The following SMPD3 variants were observed in gnomAD, a reference collection of about 807,000 sequenced individuals.
SMPD3 encodes sphingomyelin phosphodiesterase 3, also known as nSMase-2.
In SMPD3, 21 loss-of-function variants were observed where a neutral mutation model predicts 55.7. The ratio of observed to expected loss-of-function variants is 0.38; its 90% CI spans 0.27 to 0.54. SMPD3 has a LOEUF of 0.54. Among genes scored for constraint, SMPD3 ranks in the 20% least tolerant of loss-of-function variants. SMPD3 has a pLI of 0.80. For synonymous variants in SMPD3, 457 were observed against 404.3 expected (o/e 1.13, Z -1.56); for missense variants, 842 against 899.6 (o/e 0.94, Z 0.82).
chr16:68,374,294 C>T (rs1435468343), intron 2 of SMPD3, among the ~76,000 whole-genome samples: 2 of 152,252 alleles, frequency 1.3e-5, no homozygotes, highest in East Asian at 3.8e-4. Flanking sequence ...CTGCAGTCAC[C>T]ATCTCCAGGG....
chr16:68,373,225 C>T (rs1214789931), intron 2 of SMPD3, among the ~76,000 whole-genome samples: 1 of 152,254 alleles, frequency 6.6e-6, no homozygotes, highest in Non-Finnish European at 1.5e-5. Context: ...TCGAGACCCA[C>T]AGCCATCTGA....
chr16:68,394,848 G>C (rs2090141949), intron 1 of SMPD3, among the ~76,000 whole-genome samples: 1 of 152,242 alleles, frequency 6.6e-6, no homozygotes, highest in Non-Finnish European at 1.5e-5. Flanking sequence ...TGGAGATACA[G>C]AGACAGTGAG....
intron 3 of SMPD3, among the ~76,000 whole-genome samples, 162 bp from the exon 4 acceptor site, chr16:68,365,254 G>A (rs1597590314): frequency 1.3e-5 from 2 of 152,278 alleles, no homozygotes; most frequent in Non-Finnish European, 2.9e-5. Flanking sequence ...CCTGCTTCTA[G>A]GGACTTACGG....
chr16:68,400,980 A>G (rs12599487), intron 1 of SMPD3, among the ~76,000 whole-genome samples: 77,737 of 152,056 alleles, frequency 0.51, 21,785 homozygotes, highest in East Asian at 0.86. Flanking sequence ...CTAGTTTTGC[A>G]CTGGATTGAA....
intron 1 of SMPD3, among the ~76,000 whole-genome samples, chr16:68,423,001 G>A (rs2090407728): frequency 6.6e-6 from 1 of 152,118 alleles, no homozygotes; most frequent in Non-Finnish European, 1.5e-5. Context: ...TTCTCAGCGG[G>A]GGCTTCACAG....
rs760353898 is a variant in SMPD3, at chr16:68,364,824, G to T, written c.1482C>A (p.Ser494Arg). ...CCACCAGCTCCTCGGGGTTGGCTGCGCTGGACGAGGAGGTAGATTTTCGGA... is the reference window on the plus strand; with the variant it reads ...CCACCAGCTCCTCGGGGTTGGCTGCTCTGGACGAGGAGGTAGATTTTCGGA... ...ADFRKSTSSS[S>R]AANPEELVAF... Residue 494 changes from serine (S) to arginine (R), a missense_variant, in exon 5 of 9, where the codon AGC becomes AGA. Ser to Arg is a moderately radical substitution (Grantham distance 110). Transcript: ENST00000219334. The T allele has an allele frequency of 1.9e-6, 3 of 1,613,760 alleles. No homozygotes were observed. Among genetic ancestry groups the T allele is most frequent in the Non-Finnish European group, 2.5e-6 (3 of 1,180,048 alleles).
At chr16:68,372,576 T>G (rs1435874106) in intron 2 of SMPD3, among the ~76,000 whole-genome samples, 189 bp from the exon 3 acceptor site, 2 of 152,192 alleles carry the variant, frequency 1.3e-5, no homozygotes, top group Non-Finnish European at 2.9e-5. Context: ...GCTTCCTCCA[T>G]GTATGCTGTT....
chr16:68,401,122 C>A (rs9937560), intron 1 of SMPD3, among the ~76,000 whole-genome samples: 121,388 of 152,144 alleles, frequency 0.8, 48,552 homozygotes, highest in East Asian at 0.87. Flanking sequence ...GGCCAGCATC[C>A]GTGAGTGTCA....
rs139725383 is a variant in SMPD3 at position 68,363,813 on chromosome 16, G to A, written c.1609C>T (p.Arg537Cys). 6.6e-5 allele frequency: 104 copies of A among 1,571,776 alleles called. 1 individual carries two copies. The highest frequency in any genetic ancestry group is 1.9e-4 in the Admixed American group (10 of 54,008). The change falls in exon 6 of 9, where the codon CGC (arginine) becomes TGC (cysteine). Residue 537 changes from arginine (R) to cysteine (C), a missense_variant. Arg to Cys is a radical substitution (Grantham distance 180, BLOSUM62 -3). This residue lies in a region of SMPD3 where 649 missense variants were observed against 643.6 expected (regional missense o/e 1.01). Transcript: ENST00000219334. The part of the protein sequence containing the change: ...SLFTHYRDPC[R>C]LGPGEEKPWA... ...GGCTTCTCCTCACCAGGCCCCAGGC[G>A]GCAGGGGTCCCTGTAGTGGGTGAAC... is the stretch of plus-strand genomic sequence containing the variant.
intron 2 of SMPD3, among the ~76,000 whole-genome samples, chr16:68,383,469 G>A (rs944533578): frequency 6.6e-6 from 1 of 152,198 alleles, no homozygotes; most frequent in Admixed American, 6.5e-5. Context: ...TTGGCCTTAG[G>A]AAATAGGCCC....
intron 2 of SMPD3, among the ~76,000 whole-genome samples, chr16:68,372,955 G>A (rs2089711846): frequency 6.6e-6 from 1 of 152,198 alleles, no homozygotes; most frequent in Admixed American, 6.5e-5. Context: ...AGGGGAGGGC[G>A]GTCCCCCTCC....
At chr16:68,396,888 A>C (rs2090162285) in intron 1 of SMPD3, among the ~76,000 whole-genome samples, 1 of 152,236 alleles carries the variant, frequency 6.6e-6, no homozygotes, top group African/African-American at 2.4e-5. Flanking sequence ...GAGTGCCTAT[A>C]GCTTACTGGA....
chr16:68,402,988 G>A lies in SMPD3; in HGVS notation c.-268-16329C>T, dbSNP rs543576789. Among the ~76,000 whole-genome samples, 24 of 152,364 alleles carry A rather than the reference G, an allele frequency of 1.6e-4. No individual in the cohort carries two copies. In the South Asian group the frequency reaches 4.8e-3, roughly 30 times the overall value. On this transcript the variant is annotated intron_variant, in intron 1 of 8. Coordinates refer to ENST00000219334, the MANE Select transcript of SMPD3 (RefSeq NM_018667.4). ...AATGATGATGAGCTAGTCTTGTATGGAGAGTGGATTTGTACACTGTGTCAG... is the reference window on the plus strand; with the variant it reads ...AATGATGATGAGCTAGTCTTGTATGAAGAGTGGATTTGTACACTGTGTCAG...
intron 2 of SMPD3, among the ~76,000 whole-genome samples, chr16:68,375,643 G>C (rs575096623): frequency 1.3e-5 from 2 of 152,266 alleles, no homozygotes; most frequent in East Asian, 3.9e-4. Flanking sequence ...CTCCTCAGCT[G>C]CCCTGGGCCC....
At chr16:68,446,397 C>T (rs2090609731) in intron 1 of SMPD3, among the ~76,000 whole-genome samples, 1 of 152,044 alleles carries the variant, frequency 6.6e-6, no homozygotes, top group South Asian at 2.1e-4. Flanking sequence ...TAGGTCATTG[C>T]TGTGGCTTGA....
At chr16:68,387,360 C>T (rs1177066511) in intron 1 of SMPD3, among the ~76,000 whole-genome samples, 2 of 152,102 alleles carry the variant, frequency 1.3e-5, no homozygotes, top group Non-Finnish European at 2.9e-5. Flanking sequence ...CCTTTGGACA[C>T]GATGTCACTG....
chr16:68,445,631 A>G (rs2090603543), intron 1 of SMPD3, among the ~76,000 whole-genome samples: 1 of 152,164 alleles, frequency 6.6e-6, no homozygotes, highest in African/African-American at 2.4e-5. Flanking sequence ...GACTGGTTTA[A>G]CCTCTTTCCA....
In SMPD3 at chr16:68,371,289, G is replaced by C. The variant is rs2089658799; in HGVS notation, c.893C>G (p.Ser298Cys). ...DSGSLGSPSASRESLVKGRAG... is the reference protein window; with the variant it reads ...DSGSLGSPSACRESLVKGRAG... ...TCGCCCCTTCACCAGGGACTCCCGG[G>C]AGGCCGAGGGGCTGCCCAGGCTCCC... is the stretch of plus-strand genomic sequence containing the variant. Residue 298 changes from serine to cysteine, a missense_variant, in exon 3 of 9, where the codon TCC (serine) becomes TGC (cysteine). By Grantham distance (112) the Ser-to-Cys change is moderately radical. Transcript: ENST00000219334. 6.2e-7 allele frequency: 1 copy of C among 1,603,252 alleles called. No individual in the cohort carries two copies. Among genetic ancestry groups the C allele is most frequent in the Non-Finnish European group, 8.5e-7 (1 of 1,179,072 alleles).
intron 5 of SMPD3, among the ~76,000 whole-genome samples, 178 bp from the exon 6 acceptor site, chr16:68,364,044 T>C (rs2089400160): frequency 6.6e-6 from 1 of 152,036 alleles, no homozygotes; most frequent in Non-Finnish European, 1.5e-5. Flanking sequence ...TTGTCGCTGC[T>C]TTTCTGTGTC....
Sources: gnomAD v4.1 joint callset for allele counts (sites outside exome capture counted in the v4.1 genomes callset) on GRCh38, gnomAD v4.1.1 for gene constraint, gnomAD v4.1.1 regional missense constraint, MANE v1.5 for transcripts, NCBI Gene and HGNC (gene_info 2026-07-23, HGNC 2026-07-21) for gene names.